Variants in ZFAND3 observed in about 807,000 individuals in gnomAD.
The protein encoded by ZFAND3 is AN1-type zinc finger protein 3.
A neutral mutation model predicts 29.6 loss-of-function variants in ZFAND3; 10 were observed. The ratio of observed to expected loss-of-function variants is 0.34; its 90% CI spans 0.21 to 0.57. The LOEUF is 0.57. Ranked by LOEUF, ZFAND3 falls within the 20% of genes least tolerant of loss-of-function variation. The pLI is 0.86. For synonymous variants in ZFAND3, 128 were observed against 112.6 expected (o/e 1.14, Z -0.87); for missense variants, 230 against 304.5 (o/e 0.76, Z 1.82).
At chr6:37,835,526 G>A (rs1356103034) in intron 1 of ZFAND3, among the ~76,000 whole-genome samples, 2 of 144,842 alleles carry the variant, frequency 1.4e-5, no homozygotes, top group African/African-American at 2.6e-5. Context: ...GCATGTACAT[G>A]TACTGTATGG....
chr6:38,095,977 G>A (rs1360528177), intron 4 of ZFAND3, among the ~76,000 whole-genome samples: 1 of 151,892 alleles, frequency 6.6e-6, no homozygotes, highest in Non-Finnish European at 1.5e-5. Context: ...TGGCTACAGC[G>A]AGCCATGATT....
At chr6:37,909,898 C>A (rs1043346246) in intron 1 of ZFAND3, among the ~76,000 whole-genome samples, 1 of 152,044 alleles carries the variant, frequency 6.6e-6, no homozygotes, top group African/African-American at 2.4e-5. Flanking sequence ...CATCAGAAGT[C>A]TCTTATTCAA....
At chr6:37,834,666 T>G (rs1763930296) in intron 1 of ZFAND3, among the ~76,000 whole-genome samples, 2 of 151,510 alleles carry the variant, frequency 1.3e-5, no homozygotes, top group South Asian at 2.1e-4. Flanking sequence ...TTTGGTGGTG[T>G]TGAATGCTGA....
In ZFAND3 at chr6:37,982,484, A is replaced by G. The variant is rs561049364; in HGVS notation, c.112+52485A>G. ...TGTTTGCATCAAGGGCAGACCACAT[A>G]TGCAACAGTGGTCCCATAAAATTAT... On this transcript the variant is annotated intron_variant, in intron 2 of 5. Coordinates refer to ENST00000287218, the MANE Select transcript of ZFAND3 (RefSeq NM_021943.3). Among the ~76,000 whole-genome samples, 15 of 152,332 alleles carry G rather than the reference A, an allele frequency of 9.8e-5. 1 individual carries two copies. The highest frequency in any genetic ancestry group is 2.9e-4 in the African/African-American group (12 of 41,574).
At chr6:37,852,286 A>G (rs558311500) in intron 1 of ZFAND3, among the ~76,000 whole-genome samples, 30 of 152,160 alleles carry the variant, frequency 2.0e-4, no homozygotes, top group Non-Finnish European at 3.8e-4. Flanking sequence ...CTTGGTGGGA[A>G]GTGGTGCTAA....
chr6:38,116,144 C>T (rs1765412763), intron 4 of ZFAND3, among the ~76,000 whole-genome samples: 1 of 152,070 alleles, frequency 6.6e-6, no homozygotes, highest in African/African-American at 2.4e-5. Flanking sequence ...AGACATAGTC[C>T]CATCTCTAAA....
intron 2 of ZFAND3, among the ~76,000 whole-genome samples, chr6:37,981,124 A>G (rs1375598057): frequency 6.6e-6 from 1 of 152,256 alleles, no homozygotes; most frequent in Non-Finnish European, 1.5e-5. Context: ...TAAGGCAACC[A>G]TACCTAGCTG....
chr6:38,144,129 T>C (rs969846441), intron 5 of ZFAND3, among the ~76,000 whole-genome samples: 2 of 142,920 alleles, frequency 1.4e-5, no homozygotes, highest in Admixed American at 7.1e-5. Flanking sequence ...GTCAGTGAGC[T>C]GTCCTAAGCT....
At chr6:37,967,939 A>T (rs1391458858) in intron 2 of ZFAND3, among the ~76,000 whole-genome samples, 1 of 152,156 alleles carries the variant, frequency 6.6e-6, no homozygotes, top group East Asian at 1.9e-4. Context: ...TACTAACATA[A>T]TCCTCTTGTT....
intron 5 of ZFAND3, among the ~76,000 whole-genome samples, chr6:38,125,340 G>A (rs1308470905): frequency 6.6e-6 from 1 of 152,106 alleles, no homozygotes; most frequent in African/African-American, 2.4e-5. Context: ...TACTGAACAC[G>A]AACTCCATGT....
intron 5 of ZFAND3, among the ~76,000 whole-genome samples, chr6:38,140,740 A>G (rs1248012042): frequency 6.6e-6 from 1 of 152,140 alleles, no homozygotes; most frequent in Non-Finnish European, 1.5e-5. Context: ...CCCCCAAGTG[A>G]AATGGAACTG....
chr6:38,076,537 G>A (rs951513251), intron 3 of ZFAND3, among the ~76,000 whole-genome samples: 4 of 152,042 alleles, frequency 2.6e-5, no homozygotes, highest in South Asian at 2.1e-4. Context: ...TTCCCTTCTC[G>A]TAAATTACTA....
chr6:38,013,718 CT>C (rs1158035478), intron 2 of ZFAND3, among the ~76,000 whole-genome samples: 1 of 150,624 alleles, frequency 6.6e-6, no homozygotes, highest in African/African-American at 2.4e-5. Context: ...CATTTAAAAA[CT>C]GGAGAGTTAA....
At chr6:37,960,155 CTTAT>C (rs1561947478) in intron 2 of ZFAND3, among the ~76,000 whole-genome samples, 1 of 152,188 alleles carries the variant, frequency 6.6e-6, no homozygotes, top group Non-Finnish European at 1.5e-5. Flanking sequence ...AATAGCCCTA[CTTAT>C]TTTTCTGAGG....
chr6:38,127,075 A>G (rs1765649574), intron 5 of ZFAND3, among the ~76,000 whole-genome samples: 2 of 152,072 alleles, frequency 1.3e-5, no homozygotes, highest in South Asian at 4.1e-4. Context: ...ACTCCTTTCC[A>G]ATCTATATGC....
At chr6:37,821,553 T>C (rs1158711485) in intron 1 of ZFAND3, among the ~76,000 whole-genome samples, 1 of 152,110 alleles carries the variant, frequency 6.6e-6, no homozygotes, top group Non-Finnish European at 1.5e-5. Context: ...GAGTGTAGGG[T>C]GGAGCTGGTG....
chr6:37,919,529 C>A (rs1330441261), intron 1 of ZFAND3, among the ~76,000 whole-genome samples: 7 of 151,408 alleles, frequency 4.6e-5, no homozygotes, highest in Non-Finnish European at 8.8e-5. Flanking sequence ...TTTTTTTTAG[C>A]CTCCAAGTTG....
rs144385745 is a variant in ZFAND3, at chr6:37,852,801, C to T, written c.71+32785C>T. On this transcript the variant is annotated intron_variant, in intron 1 of 5. Coordinates refer to ENST00000287218, the MANE Select transcript of ZFAND3 (RefSeq NM_021943.3). ...CATGATCTCGGCTCACTGCAATCTCCACCTCCTGGGTTCAAGCAGTTCTCA... is the reference window on the plus strand; with the variant it reads ...CATGATCTCGGCTCACTGCAATCTCTACCTCCTGGGTTCAAGCAGTTCTCA... Among the ~76,000 whole-genome samples, 1,165 of 151,658 alleles carry T rather than the reference C, an allele frequency of 7.7e-3. 15 individuals carry two copies. The highest frequency in any genetic ancestry group is 0.01 in the Middle Eastern group (3 of 294).
intron 1 of ZFAND3, among the ~76,000 whole-genome samples, chr6:37,880,089 TC>T (rs1245743680): frequency 6.6e-6 from 1 of 152,198 alleles, no homozygotes. Context: ...TTTTCTTTTC[TC>T]CTTTCTCAGT....
Sources: gnomAD v4.1 joint callset for allele counts (sites outside exome capture counted in the v4.1 genomes callset) on GRCh38, gnomAD v4.1.1 for gene constraint, MANE v1.5 for transcripts, NCBI Gene and HGNC (gene_info 2026-07-23, HGNC 2026-07-21) for gene names.